The following ZNF273 variants were observed in gnomAD, a reference collection of about 807,000 sequenced individuals.
The protein encoded by ZNF273 is zinc finger protein 273, also known as zinc finger protein 9.
In ZNF273, 11 loss-of-function variants were observed where a neutral mutation model predicts 14.9. The observed-to-expected ratio is 0.74, with a 90% CI of 0.46 to 1.22. The LOEUF (loss-of-function observed/expected upper bound fraction) is 1.22, where lower values mean the gene tolerates loss of function less well. Ranked by LOEUF, ZNF273 falls within the 50% of genes most tolerant of loss-of-function variation. The pLI is 0.00. For synonymous variants in ZNF273, 199 were observed against 223.9 expected (o/e 0.89, Z 0.99); for missense variants, 577 against 660.6 (o/e 0.87, Z 1.39).
At chr7:64,915,338 G>T (rs1793897611) in intron 1 of ZNF273, among the ~76,000 whole-genome samples, 1 of 152,192 alleles carries the variant, frequency 6.6e-6, no homozygotes, top group Non-Finnish European at 1.5e-5. Flanking sequence ...GAAATATAGA[G>T]GTGTGAAGTG....
In ZNF273 at chr7:64,929,037, A is replaced by G. The variant is rs922401182; in HGVS notation, c.1709A>G (p.Ter570TrpextTer47). The change falls in exon 4 of 4, where the codon TAG (stop) becomes TGG (tryptophan). Residue 570 changes from the stop codon to tryptophan (W), a stop_lost. Coordinates refer to ENST00000476120, the MANE Select transcript of ZNF273 (RefSeq NM_021148.3). ...HKRNHMGEKS[*>W] ...AGAAATCATATGGGTGAGAAATCCT[A>G]GAAATGTGAAGAATGTGACAAAGCC... 32 of 1,533,652 alleles carry G rather than the reference A, an allele frequency of 2.1e-5. No individual in the cohort carries two copies. Among genetic ancestry groups the G allele is most frequent in the Non-Finnish European group, 2.6e-5 (30 of 1,145,810 alleles).
chr7:64,889,700 G>A, downstream of ZNF273: 1 of 985,942 alleles, frequency 1.0e-6, no homozygotes, highest in Non-Finnish European at 1.2e-6. The surrounding 1 kb of genome is among the most constrained non-coding windows in gnomAD (Gnocchi z 4.2). Context: ...GCAAACGCTC[G>A]GGATGCGGTT....
At chr7:64,903,475 T>C in intron 1 of ZNF273, 56 bp downstream of exon 1, 1 of 1,521,324 alleles carries the variant, frequency 6.6e-7, no homozygotes, top group Non-Finnish European at 9.1e-7. Flanking sequence ...TTGGAACTGG[T>C]GGGAAGTGGA....
At chr7:64,899,256 A>G (rs77115989), upstream of ZNF273, among the ~76,000 whole-genome samples, 777 of 152,314 alleles carry the variant, frequency 5.1e-3, 3 homozygotes, top group African/African-American at 0.016. Context: ...CAAGCCATTG[A>G]AAAAAAATGT....
At chr7:64,931,474 AGTG>A (rs1384918612), downstream of ZNF273, among the ~76,000 whole-genome samples, 3 of 152,154 alleles carry the variant, frequency 2.0e-5, no homozygotes, top group African/African-American at 4.8e-5. Flanking sequence ...AAAATTTAGT[AGTG>A]CACAAAAAGT....
intron 2 of ZNF273, among the ~76,000 whole-genome samples, chr7:64,917,943 A>G (rs1366441909): frequency 6.6e-6 from 1 of 152,220 alleles, no homozygotes; most frequent in African/African-American, 2.4e-5. Flanking sequence ...CCAAAAATTT[A>G]GTGGCATAAA....
intron 1 of ZNF273, among the ~76,000 whole-genome samples, chr7:64,908,216 A>T (rs1254097058): frequency 6.6e-6 from 1 of 152,122 alleles, no homozygotes; most frequent in Non-Finnish European, 1.5e-5. Flanking sequence ...ATCCACTTAC[A>T]TTGCACTATT....
chr7:64,892,435 T>A (rs1792093758), downstream of ZNF273, among the ~76,000 whole-genome samples: 1 of 152,188 alleles, frequency 6.6e-6, no homozygotes, highest in African/African-American at 2.4e-5. Context: ...TAGGAATGAA[T>A]CCATGACCTT....
Position 64,879,193 on chromosome 7 carries a change from G to A in ZNF273, n.331-257G>A, listed in dbSNP as rs1791188230. Among the ~76,000 whole-genome samples the A allele has an allele frequency of 2.0e-5, 3 of 152,170 alleles. No individual in the cohort carries two copies. The South Asian group carries it at 6.2e-4, about 32-fold the overall frequency. On this transcript the variant is annotated intron_variant and non_coding_transcript_variant, in intron 2 of 2. Coordinates refer to the ZNF273 transcript ENST00000465954. Reference sequence around the variant, plus strand: ...ACTTCCTCTCACCGTGGATGTAGTTGGCTGCCAGGGATTTCAGAGTCAAAA... The same window carrying A: ...ACTTCCTCTCACCGTGGATGTAGTTAGCTGCCAGGGATTTCAGAGTCAAAA...
At position 64,895,472 on chromosome 7, in the gene ZNF273, C is replaced by T. The variant is rs1792313500; in HGVS notation, n.488+1575C>T. On this transcript the variant is annotated intron_variant and non_coding_transcript_variant, in intron 3 of 7. Transcript: ENST00000527278. ...GTGTCATGTGCCAGATTCCGATTCA[C>T]TAACAGTGTGCCTGTATGACTTTTC... Among the ~76,000 whole-genome samples the T allele has an allele frequency of 3.3e-5, 5 of 152,166 alleles. No individual in the cohort carries two copies. The South Asian group carries it at 1.0e-3, about 31-fold the overall frequency.
downstream of ZNF273, among the ~76,000 whole-genome samples, chr7:64,883,395 G>A (rs997838804): frequency 6.6e-6 from 1 of 152,142 alleles, no homozygotes; most frequent in African/African-American, 2.4e-5. Flanking sequence ...GGCGCTTCAC[G>A]TCGTGAGGCG....
At chr7:64,932,643 T>C (rs1795016355), downstream of ZNF273, among the ~76,000 whole-genome samples, 1 of 152,018 alleles carries the variant, frequency 6.6e-6, no homozygotes. Context: ...TAAATCTGAC[T>C]CGGCACGGTG....
chr7:64,893,200 A>G (rs1792141541), downstream of ZNF273, among the ~76,000 whole-genome samples: 1 of 152,120 alleles, frequency 6.6e-6, no homozygotes, highest in Non-Finnish European at 1.5e-5. Flanking sequence ...TTTTTTTTCT[A>G]CTTTCTGTAT....
downstream of ZNF273, chr7:64,880,122 G>A (rs1376800642): frequency 6.6e-6 from 1 of 152,390 alleles, no homozygotes; most frequent in East Asian, 1.9e-4. Flanking sequence ...TTGGCAAAGA[G>A]GGGGTCCTCT....
chr7:64,928,035 G>GT lies in ZNF273; in HGVS notation c.708dup (p.Lys237Ter). ...GCTACTAGAGTGAATTTCTACAAAT[G>GT]TAAGACATGTGGAAAAGCCTTTAAC... On this transcript the variant is annotated frameshift_variant, in exon 4 of 4. Transcript: ENST00000476120. LOFTEE classifies it low-confidence loss of function (END_TRUNC). The GT allele has an allele frequency of 6.2e-7, 1 of 1,608,604 alleles. No homozygotes were observed. Among genetic ancestry groups the GT allele is most frequent in the African/African-American group, 1.4e-5 (1 of 73,526 alleles).
downstream of ZNF273, among the ~76,000 whole-genome samples, chr7:64,894,335 AGGTCCTGTCCGTCT>A (rs566941769): frequency 9.2e-5 from 14 of 152,220 alleles, 1 homozygote; most frequent in South Asian, 2.9e-3. Flanking sequence ...TGGCAGCCAT[AGGTCCTGTCCGTCT>A]GGATATATTT....
chr7:64,890,880 C>A (rs1344023661), downstream of ZNF273, among the ~76,000 whole-genome samples: 7 of 152,230 alleles, frequency 4.6e-5, no homozygotes, highest in Non-Finnish European at 8.8e-5. Context: ...CACCGTTGCT[C>A]TGCTCCATCT....
At chr7:64,888,694 G>A in exon 2 of ZNF273, 1 of 985,744 alleles carries the variant, frequency 1.0e-6, no homozygotes, top group Non-Finnish European at 1.2e-6. Context: ...CGGGGTGAGA[G>A]GTCCGGCTCC....
chr7:64,894,122 A>G (rs1005854100), downstream of ZNF273, among the ~76,000 whole-genome samples: 9 of 152,126 alleles, frequency 5.9e-5, no homozygotes, highest in African/African-American at 1.9e-4. Flanking sequence ...CTCCTGCCTC[A>G]GCCTCTAGAG....
Sources: allele counts gnomAD v4.1 joint callset (sites outside exome capture counted in the v4.1 genomes callset), GRCh38; gene constraint gnomAD v4.1.1; non-coding constraint Gnocchi (gnomAD v3.1); transcripts MANE v1.5; gene names NCBI Gene and HGNC (gene_info 2026-07-23, HGNC 2026-07-21).